The following STPG2 variants were observed in gnomAD, a reference collection of about 807,000 sequenced individuals.
The protein encoded by STPG2 is sperm tail PG-rich repeat containing 2.
STPG2 carries 56 observed loss-of-function variants against 54.2 expected under a neutral mutation model. That is an observed-to-expected ratio of 1.03 (90% CI 0.83 to 1.29). The LOEUF (loss-of-function observed/expected upper bound fraction) is 1.29. Among genes scored for constraint, STPG2 ranks in the 50% most tolerant of loss-of-function variants. The pLI, the probability that STPG2 is intolerant of heterozygous loss-of-function variation, is 0.00. For synonymous variants in STPG2, 200 were observed against 181.8 expected (o/e 1.10, Z -0.81); for missense variants, 596 against 544.9 (o/e 1.09, Z -0.93).
rs551225298 is a variant in STPG2, at chr4:97,473,967, T to G, written c.462+238732A>C. On this transcript the variant is annotated intron_variant, in intron 4 of 4. Coordinates refer to the STPG2 transcript ENST00000522676. ...GAGGAAGGAGGTGGAGAATAGAGGG[T>G]TTTTTTTTGATCACTGAAACTATTC... Among the ~76,000 whole-genome samples the G allele has an allele frequency of 3.0e-3, 438 of 145,328 alleles. 2 individuals are homozygous for G. The highest frequency in any genetic ancestry group is 0.01 in the African/African-American group (376 of 37,196).
chr4:97,640,551 G>T (rs973892801), intron 10 of STPG2, among the ~76,000 whole-genome samples: 3 of 151,808 alleles, frequency 2.0e-5, no homozygotes, highest in East Asian at 1.9e-4. Flanking sequence ...GACAAATATG[G>T]ATTCAAGTGT....
intron 9 of STPG2, among the ~76,000 whole-genome samples, chr4:97,775,720 G>A (rs562736557): frequency 6.6e-6 from 1 of 152,286 alleles, no homozygotes; most frequent in East Asian, 1.9e-4. Context: ...CAGAGGAAGA[G>A]ACTTTAAAAT....
At chr4:97,642,805 C>T (rs1222993469) in intron 10 of STPG2, among the ~76,000 whole-genome samples, 9 of 151,172 alleles carry the variant, frequency 6.0e-5, no homozygotes, top group Admixed American at 1.3e-4. Flanking sequence ...TTTTCTTACA[C>T]GTTTATATGT....
chr4:97,705,286 A>G (rs1394792353), intron 10 of STPG2, among the ~76,000 whole-genome samples: 2 of 152,080 alleles, frequency 1.3e-5, no homozygotes, highest in African/African-American at 4.8e-5. Flanking sequence ...TATTTCATAT[A>G]AAATACTTTC....
chr4:97,757,677 C>G (rs1267077644), intron 9 of STPG2, among the ~76,000 whole-genome samples: 1 of 152,152 alleles, frequency 6.6e-6, no homozygotes. Context: ...TCAAAAATAT[C>G]AAGTTTCCAA....
chr4:97,598,545 A>T (rs913118684), intron 10 of STPG2, among the ~76,000 whole-genome samples: 1 of 146,948 alleles, frequency 6.8e-6, no homozygotes, highest in Non-Finnish European at 1.5e-5. Flanking sequence ...CCCAAACAGC[A>T]TGGTACTGGT....
intron 4 of STPG2, among the ~76,000 whole-genome samples, chr4:97,447,124 T>C (rs1386448362): frequency 6.6e-6 from 1 of 152,160 alleles, no homozygotes; most frequent in Non-Finnish European, 1.5e-5. Context: ...AGGAACTCAT[T>C]GGGAACTGGA....
Position 97,959,396 on chromosome 4 carries a change from C to T in STPG2, c.933+12884G>A, listed in dbSNP as rs116189407. On this transcript the variant is annotated intron_variant, in intron 7 of 10. Transcript: ENST00000295268. Reference sequence around the variant, plus strand: ...CAGAGTAGAATAAATGAAATTGAAACTATACAAAAGATAAATGAAACAAAA... The same window carrying T: ...CAGAGTAGAATAAATGAAATTGAAATTATACAAAAGATAAATGAAACAAAA... Among the ~76,000 whole-genome samples the T allele has an allele frequency of 4.3e-3, 656 of 151,458 alleles. 4 individuals carry two copies. The highest frequency in any genetic ancestry group is 0.015 in the African/African-American group (603 of 41,368).
chr4:97,453,264 G>T (rs976373574), intron 4 of STPG2, among the ~76,000 whole-genome samples: 10 of 152,218 alleles, frequency 6.6e-5, no homozygotes, highest in Non-Finnish European at 1.0e-4. Flanking sequence ...GCAGAGAGCT[G>T]ACATCCATGT....
chr4:97,925,691 T>C (rs1314982204), intron 8 of STPG2, among the ~76,000 whole-genome samples: 2 of 152,200 alleles, frequency 1.3e-5, no homozygotes, highest in Non-Finnish European at 2.9e-5. Context: ...ATACAGTTTT[T>C]AGTCAGAATA....
At chr4:97,541,684 C>T (rs1435146572) in intron 4 of STPG2, among the ~76,000 whole-genome samples, 1 of 152,112 alleles carries the variant, frequency 6.6e-6, no homozygotes, top group Admixed American at 6.5e-5. Context: ...GCCAAAAGAA[C>T]AAAGCTGGAG....
intron 9 of STPG2, among the ~76,000 whole-genome samples, chr4:97,806,885 C>T (rs1469578209): frequency 6.6e-6 from 1 of 152,096 alleles, no homozygotes. Flanking sequence ...AACATAAGTG[C>T]ATATGAACCA....
chr4:97,531,601 C>T (rs541905161), intron 4 of STPG2, among the ~76,000 whole-genome samples: 1 of 152,004 alleles, frequency 6.6e-6, no homozygotes, highest in Admixed American at 6.6e-5. Flanking sequence ...GTGAGATAAG[C>T]CAGGCAAAGA....
intron 5 of STPG2, among the ~76,000 whole-genome samples, chr4:98,101,340 T>G (rs909794831): frequency 1.3e-5 from 2 of 152,164 alleles, no homozygotes; most frequent in African/African-American, 4.8e-5. Flanking sequence ...TTTTCTCTCC[T>G]TGCCTAGAGA....
At chr4:97,781,643 A>T (rs764932571) in intron 9 of STPG2, among the ~76,000 whole-genome samples, 61 of 152,228 alleles carry the variant, frequency 4.0e-4, no homozygotes, top group Non-Finnish European at 7.2e-4. Context: ...AGAGAATTTT[A>T]GACCAATATC....
At chr4:98,051,004 CAAAAAAAAGAAA>C (rs1437486222) in intron 5 of STPG2, among the ~76,000 whole-genome samples, 3 of 127,858 alleles carry the variant, frequency 2.3e-5, no homozygotes, top group Non-Finnish European at 3.4e-5. Flanking sequence ...GACTCCATCT[CAAAAAAAAGAAA>C]AAAAAAAAGG....
intron 9 of STPG2, among the ~76,000 whole-genome samples, chr4:97,828,335 T>C (rs1487870125): frequency 6.6e-6 from 1 of 152,148 alleles, no homozygotes; most frequent in Non-Finnish European, 1.5e-5. Context: ...GACTGTGCTG[T>C]GAGGAATGGT....
intron 10 of STPG2, among the ~76,000 whole-genome samples, chr4:97,616,296 G>GA (rs1232385027): frequency 1.3e-5 from 2 of 151,076 alleles, no homozygotes. Context: ...AGATCAAGAA[G>GA]AAAAAATATT....
rs796568289 is a variant in STPG2, at chr4:97,864,202, T to C, written c.1045-23270A>G. Among the ~76,000 whole-genome samples, 48 of 152,300 alleles carry C rather than the reference T, an allele frequency of 3.2e-4. 1 individual carries two copies. The highest frequency in any genetic ancestry group is 1.7e-3 in the South Asian group (8 of 4,828). ...ATTATTGTATATCTAGAAAACCCCA[T>C]TGACTCAGCCCAAAATCTACTTAAG... On this transcript the variant is annotated intron_variant, in intron 8 of 10. Transcript: ENST00000295268.
Sources: allele counts gnomAD v4.1 joint callset (sites outside exome capture counted in the v4.1 genomes callset), GRCh38; gene constraint gnomAD v4.1.1; transcripts MANE v1.5; gene names NCBI Gene and HGNC (gene_info 2026-07-23, HGNC 2026-07-21).